The following CRTC1 variants were observed in gnomAD, a reference collection of about 807,000 sequenced individuals.
CRTC1 encodes the protein CREB-regulated transcription coactivator 1.
A neutral mutation model predicts 66.1 loss-of-function variants in CRTC1; 18 were observed. The ratio of observed to expected loss-of-function variants is 0.27; its 90% CI spans 0.19 to 0.40. The LOEUF is 0.40. CRTC1 is among the 10% of genes least tolerant of loss of function. The pLI is 1.00. For missense variants in CRTC1, 669 were observed against 887.9 expected (o/e 0.75, Z 3.13); for synonymous variants, 416 against 398.8 (o/e 1.04, Z -0.51).
chr19:18,732,031 G>A (rs1000144357), intron 1 of CRTC1, among the ~76,000 whole-genome samples: 1 of 152,222 alleles, frequency 6.6e-6, no homozygotes, highest in African/African-American at 2.4e-5. Context: ...ATTCTGGGCT[G>A]CCCAGTTTCA....
At chr19:18,684,414 C>T (rs1600728089) in intron 1 of CRTC1, among the ~76,000 whole-genome samples, 1 of 152,054 alleles carries the variant, frequency 6.6e-6, no homozygotes, top group East Asian at 1.9e-4. Flanking sequence ...GTTACCTGTG[C>T]CTTTACTCCC....
chr19:18,718,247 C>T (rs1312895516), intron 1 of CRTC1, among the ~76,000 whole-genome samples: 1 of 152,154 alleles, frequency 6.6e-6, no homozygotes, highest in Non-Finnish European at 1.5e-5. Context: ...TGGAATCTCA[C>T]ACCCTGTGGC....
rs758255548 is a variant in CRTC1 at position 18,768,816 on chromosome 19, C to T, written c.1320+23C>T. ...TCGGTAAGCCCAGGGTGGGGTCCCT[C>T]GGGGCCTGACTGGGGGTCTTGTAGA... On this transcript the variant is annotated intron_variant, in intron 10 of 13. Transcript: ENST00000321949. The surrounding 1 kb of genome is among the most constrained non-coding windows in gnomAD (Gnocchi z 5.6). The T allele has an allele frequency of 7.6e-6, 12 of 1,576,134 alleles. No homozygotes were observed. The highest frequency in any genetic ancestry group is 2.2e-4 in the Middle Eastern group (1 of 4,562).
chr19:18,718,719 C>T (rs11668545), intron 1 of CRTC1, among the ~76,000 whole-genome samples: 36,435 of 151,940 alleles, frequency 0.24, 4,946 homozygotes, highest in East Asian at 0.6. Flanking sequence ...TTGGCACACA[C>T]GTGGGTTTTC....
chr19:18,691,988 C>CCTGT (rs2052851498), intron 1 of CRTC1, among the ~76,000 whole-genome samples: 1 of 151,872 alleles, frequency 6.6e-6, no homozygotes, highest in Admixed American at 6.6e-5. Flanking sequence ...GCTGGGATTA[C>CCTGT]AGGTGTGAGC....
intron 1 of CRTC1, among the ~76,000 whole-genome samples, chr19:18,737,902 T>C (rs2054034079): frequency 6.6e-6 from 1 of 152,206 alleles, no homozygotes; most frequent in Non-Finnish European, 1.5e-5. Flanking sequence ...TTCTTTTCTT[T>C]AGCTTTATTG....
intron 4 of CRTC1, among the ~76,000 whole-genome samples, chr19:18,749,203 G>A (rs998685414): frequency 1.3e-4 from 20 of 152,178 alleles, no homozygotes; most frequent in African/African-American, 4.1e-4. Context: ...TCCTGCCTCA[G>A]GTTGGCTTCC....
In CRTC1 at chr19:18,760,554, C is replaced by T. The variant is rs1305380656; in HGVS notation, c.886+326C>T. ...TGGGCCAGGCCTTCCCTCCGCCCCT[C>T]CTCGACCCCAGCCCCTCATTGGGGG... On this transcript the variant is annotated intron_variant, in intron 8 of 13. Transcript: ENST00000321949. This position sits in a 1 kb window ranked among gnomAD's most constrained non-coding sequence, Gnocchi z 6.2. Among the ~76,000 whole-genome samples the T allele has an allele frequency of 6.6e-6, 1 of 151,988 alleles. No individual in the cohort carries two copies. The highest frequency in any genetic ancestry group is 1.5e-5 in the Non-Finnish European group (1 of 67,940).
intron 13 of CRTC1, 74 bp downstream of exon 13, chr19:18,775,895 T>C: frequency 4.9e-6 from 7 of 1,443,110 alleles, no homozygotes; most frequent in Non-Finnish European, 6.5e-6. Context: ...CAGAGACTGC[T>C]GTCCCGCAGC....
At chr19:18,763,852 C>T (rs1272521012) in intron 8 of CRTC1, among the ~76,000 whole-genome samples, 1 of 152,236 alleles carries the variant, frequency 6.6e-6, no homozygotes, top group Non-Finnish European at 1.5e-5. Flanking sequence ...ATCTCTCGGC[C>T]TGCTGGACGC....
In CRTC1 at chr19:18,750,321, G is replaced by T. The variant is rs139033543; in HGVS notation, c.538+446G>T. Among the ~76,000 whole-genome samples the T allele has an allele frequency of 5.5e-3, 842 of 152,248 alleles. 6 individuals are homozygous for T. The highest frequency in any genetic ancestry group is 0.019 in the African/African-American group (787 of 41,528). On this transcript the variant is annotated intron_variant, in intron 5 of 13. Coordinates refer to ENST00000321949, the MANE Select transcript of CRTC1 (RefSeq NM_015321.3). Reference sequence around the variant, plus strand: ...GGCTCTGCTGCTGAGAACTCTCCTCGCCTGCAGCCCCTGGGCCCGTCCTAG... The same window carrying T: ...GGCTCTGCTGCTGAGAACTCTCCTCTCCTGCAGCCCCTGGGCCCGTCCTAG...
At position 18,757,974 on chromosome 19, in the gene CRTC1, T is replaced by C. The variant is rs375482741; in HGVS notation, c.625-1577T>C. ...TGGAGCTTGCAGTGAGCCGAGATCG[T>C]GCCACTGCACTCCAGCCTGGGCGAC... On this transcript the variant is annotated intron_variant, in intron 6 of 13. Coordinates refer to ENST00000321949, the MANE Select transcript of CRTC1 (RefSeq NM_015321.3). 8.6e-5 allele frequency among the ~76,000 whole-genome samples: 13 copies of C among 151,696 alleles called. No homozygotes were observed. In the South Asian group the frequency reaches 1.0e-3, roughly 12 times the overall value.
In CRTC1 at chr19:18,777,457, C is replaced by A; in HGVS notation, c.*75C>A. 7.4e-7 allele frequency: 1 copy of A among 1,350,724 alleles called. No homozygotes were observed. Among genetic ancestry groups the A allele is most frequent in the Non-Finnish European group, 1.0e-6 (1 of 956,220 alleles). The allele number at this position is 1,350,724 out of a possible 1,614,324, so 83.7% of individuals were successfully genotyped here. On this transcript the variant is annotated 3_prime_UTR_variant, in exon 14 of 14. Transcript: ENST00000321949. The surrounding 1 kb of genome is among the most constrained non-coding windows in gnomAD (Gnocchi z 5.5). Reference sequence around the variant, plus strand: ...AGCCCGGGGACGGCCGTGCTCCGTCCCTCGCCAACGGCCGAGCTTGTGATT... The same window carrying A: ...AGCCCGGGGACGGCCGTGCTCCGTCACTCGCCAACGGCCGAGCTTGTGATT...
Position 18,720,734 on chromosome 19 carries a change from T to C in CRTC1, c.127-22176T>C, listed in dbSNP as rs2053608129. 2.0e-5 allele frequency among the ~76,000 whole-genome samples: 3 copies of C among 151,982 alleles called. No individual in the cohort carries two copies. In the East Asian group the frequency reaches 5.8e-4, roughly 29 times the overall value. ...CCAGGCTGATCTCGAACTCCTGACC[T>C]CAAGAGATCCACCCACCTTGACCTC... On this transcript the variant is annotated intron_variant, in intron 1 of 13. Coordinates refer to ENST00000321949, the MANE Select transcript of CRTC1 (RefSeq NM_015321.3).
chr19:18,774,534 TC>T (rs1354245158), intron 11 of CRTC1, among the ~76,000 whole-genome samples: 2 of 152,174 alleles, frequency 1.3e-5, no homozygotes, highest in African/African-American at 4.8e-5. Flanking sequence ...TCTGGGCACT[TC>T]CCGCCTTGGC....
chr19:18,773,851 T>C (rs1376867051), intron 11 of CRTC1, among the ~76,000 whole-genome samples: 2 of 152,088 alleles, frequency 1.3e-5, no homozygotes, highest in East Asian at 3.9e-4. Context: ...ACTGGTGGGT[T>C]TGTGGCCGGC....
At chr19:18,744,292 G>A (rs538346056) in intron 2 of CRTC1, 19 of 759,830 alleles carry the variant, frequency 2.5e-5, no homozygotes, top group Non-Finnish European at 3.9e-5. Context: ...GAGGTGTCCC[G>A]TCCGCCAAAT....
intron 8 of CRTC1, among the ~76,000 whole-genome samples, chr19:18,764,345 C>T (rs947827715): frequency 1.3e-5 from 2 of 152,236 alleles, no homozygotes; most frequent in Admixed American, 6.5e-5. Flanking sequence ...CCGGAGAGGG[C>T]GGCTGTTATC....
chr19:18,780,238 A>G lies in CRTC1; in HGVS notation c.*2856A>G. ...TAGAGGCTGCTCTCCCCACGCACCCATGTGCTCATGGCTTCTGCAGACCCT... is the reference window on the plus strand; with the variant it reads ...TAGAGGCTGCTCTCCCCACGCACCCGTGTGCTCATGGCTTCTGCAGACCCT... On this transcript the variant is annotated 3_prime_UTR_variant, in exon 14 of 14. Coordinates refer to ENST00000321949, the MANE Select transcript of CRTC1 (RefSeq NM_015321.3). 1 of 231,416 alleles carries G rather than the reference A, an allele frequency of 4.3e-6. No homozygotes were observed. The highest frequency in any genetic ancestry group is 8.6e-6 in the Non-Finnish European group (1 of 116,908). 14.3% of individuals were successfully genotyped at this position (231,416 alleles called of 1,614,324 possible).
Sources: gnomAD v4.1 joint callset for allele counts (sites outside exome capture counted in the v4.1 genomes callset) on GRCh38, gnomAD v4.1.1 for gene constraint, Gnocchi (gnomAD v3.1) non-coding constraint, MANE v1.5 for transcripts, NCBI Gene and HGNC (gene_info 2026-07-23, HGNC 2026-07-21) for gene names.